AHCTF1: variants seen among roughly 807,000 people sequenced by gnomAD.
The protein encoded by AHCTF1 is protein ELYS.
A neutral mutation model predicts 248.4 loss-of-function variants in AHCTF1; 24 were observed. The observed-to-expected ratio is 0.10, with a 90% CI of 0.07 to 0.14. The LOEUF (loss-of-function observed/expected upper bound fraction) is 0.14. Ranked by LOEUF, AHCTF1 falls within the 10% of genes least tolerant of loss-of-function variation. AHCTF1 has a pLI of 1.00. For synonymous variants in AHCTF1, 786 were observed against 929.8 expected (o/e 0.85, Z 2.81); for missense variants, 2,206 against 2,636.2 (o/e 0.84, Z 3.57).
chr1:246,854,286 G>A (rs574396670), intron 31 of AHCTF1, among the ~76,000 whole-genome samples: 99 of 135,550 alleles, frequency 7.3e-4, no homozygotes, highest in African/African-American at 2.6e-3. Context: ...GTGACAGAGC[G>A]AGACTCTGTT....
At chr1:246,853,375 A>G (rs1660860235) in intron 31 of AHCTF1, 76 bp from the exon 32 acceptor site, 7 of 1,225,846 alleles carry the variant, frequency 5.7e-6, no homozygotes, top group African/African-American at 1.5e-5. Context: ...AACAGAAAGG[A>G]AAAGGCTACA....
chr1:246,847,688 T>C (rs530107612), intron 33 of AHCTF1, among the ~76,000 whole-genome samples: 14 of 152,260 alleles, frequency 9.2e-5, no homozygotes, highest in African/African-American at 3.4e-4. Flanking sequence ...TTTGTAGAGA[T>C]GGGGTTTTTT....
At chr1:246,882,203 T>C (rs1663493701) in intron 21 of AHCTF1, among the ~76,000 whole-genome samples, 1 of 149,268 alleles carries the variant, frequency 6.7e-6, no homozygotes. Flanking sequence ...TTCACCGTGT[T>C]AGCCAGGATG....
chr1:246,906,648 A>AT (rs1312239021), intron 5 of AHCTF1, among the ~76,000 whole-genome samples: 1 of 152,170 alleles, frequency 6.6e-6, no homozygotes, highest in Non-Finnish European at 1.5e-5. Flanking sequence ...TACACTTCCT[A>AT]TAAGATAAAT....
At chr1:246,916,691 AC>A (rs1440690723) in intron 2 of AHCTF1, among the ~76,000 whole-genome samples, 1 of 152,164 alleles carries the variant, frequency 6.6e-6, no homozygotes, top group African/African-American at 2.4e-5. Context: ...AAAAGCCACC[AC>A]CATGGTATGT....
rs1481888031 is a variant in AHCTF1, at chr1:246,853,279, C to T, written c.4375G>A (p.Asp1459Asn). ...DNKSMADVLG[D>N]GGNSSLTISE... Reference sequence around the variant, plus strand: ...ATAGTGAGCGAGGAGTTTCCACCATCACCAAGGACATCAGCCATAGCTGAA... The same window carrying T: ...ATAGTGAGCGAGGAGTTTCCACCATTACCAAGGACATCAGCCATAGCTGAA... Residue 1459 changes from aspartate to asparagine, a missense_variant, in exon 32 of 36, where the codon GAT becomes AAT. By Grantham distance (23) the Asp-to-Asn change is conservative. This residue lies in a region of AHCTF1 where 955 missense variants were observed against 1,055.6 expected (regional missense o/e 0.90). Coordinates refer to ENST00000648844, the MANE Select transcript of AHCTF1 (RefSeq NM_001323342.2). The T allele has an allele frequency of 6.2e-7, 1 of 1,612,744 alleles. No individual in the cohort carries two copies. Among genetic ancestry groups the T allele is most frequent in the Non-Finnish European group, 8.5e-7 (1 of 1,179,386 alleles).
Position 246,850,943 on chromosome 1 carries a change from G to A in AHCTF1, c.5063C>T (p.Thr1688Ile). Reference sequence around the variant, plus strand: ...TGTTTCATGAATGGACTGTTCCATTGTATCTGAAGTAATTTCTTTACTTCT... The same window carrying A: ...TGTTTCATGAATGGACTGTTCCATTATATCTGAAGTAATTTCTTTACTTCT... Reference protein sequence around the residue: ...DTRSKEITSDTMEQSIHETIP... With the variant: ...DTRSKEITSDIMEQSIHETIP... Residue 1688 changes from threonine (T) to isoleucine (I), a missense_variant, in exon 33 of 36, where the codon ACA (threonine) becomes ATA (isoleucine). Physicochemically the swap from Thr to Ile is moderately conservative, Grantham distance 89 (BLOSUM62 -1). This residue lies in a region of AHCTF1 where 955 missense variants were observed against 1,055.6 expected (regional missense o/e 0.90). Coordinates refer to ENST00000648844, the MANE Select transcript of AHCTF1 (RefSeq NM_001323342.2). The A allele has an allele frequency of 1.2e-6, 2 of 1,613,888 alleles. No homozygotes were observed. The highest frequency in any genetic ancestry group is 1.3e-5 in the African/African-American group (1 of 75,022).
chr1:246,849,633 C>T lies in AHCTF1; in HGVS notation c.6373G>A (p.Val2125Ile), dbSNP rs754014894. 3.1e-6 allele frequency: 5 copies of T among 1,608,716 alleles called. No individual in the cohort carries two copies. Among genetic ancestry groups the T allele is most frequent in the Non-Finnish European group, 3.4e-6 (4 of 1,176,490 alleles). ...AAAGTACCTTTTGCTTTCCTTGGAA[C>T]TTCTGACGCTGGAGAAAATAAAGGC... ...NEPLFSPASEVPRKAKAKKIE... is the reference protein window; with the variant it reads ...NEPLFSPASEIPRKAKAKKIE... The change falls in exon 33 of 36, where the codon GTT (valine) becomes ATT (isoleucine). Residue 2125 changes from valine to isoleucine, a missense_variant. Coordinates refer to ENST00000648844, the MANE Select transcript of AHCTF1 (RefSeq NM_001323342.2).
chr1:246,884,742 G>A (rs2103123852), intron 21 of AHCTF1, among the ~76,000 whole-genome samples: 1 of 152,244 alleles, frequency 6.6e-6, no homozygotes, highest in East Asian at 1.9e-4. Flanking sequence ...AGAAACAAAG[G>A]TATCACTTGC....
At chr1:246,929,516 C>T (rs1667178888) in intron 1 of AHCTF1, among the ~76,000 whole-genome samples, 1 of 152,186 alleles carries the variant, frequency 6.6e-6, no homozygotes, top group Non-Finnish European at 1.5e-5. Context: ...GGATGAAGGA[C>T]ATGAGCAAAG....
At position 246,847,306 on chromosome 1, in the gene AHCTF1, C is replaced by CAA. The variant is rs58227848; in HGVS notation, c.6391+2307_6391+2308dup. ...CTCCATCTCAAAAAAAAAAAACAAA[C>CAA]AAAAAAAAAACTGAAAATGCTCATG... On this transcript the variant is annotated intron_variant, in intron 33 of 35. Transcript: ENST00000648844. Among the ~76,000 whole-genome samples, 325 of 146,812 alleles carry CAA rather than the reference C, an allele frequency of 2.2e-3. 3 individuals carry two copies. The highest frequency in any genetic ancestry group is 6.9e-3 in the Middle Eastern group (2 of 288).
intron 1 of AHCTF1, among the ~76,000 whole-genome samples, chr1:246,921,807 CAA>C: frequency 6.6e-6 from 1 of 152,038 alleles, no homozygotes; most frequent in South Asian, 2.1e-4. Context: ...TGTTTTTAGA[CAA>C]AAAAGTTTGC....
intron 1 of AHCTF1, among the ~76,000 whole-genome samples, chr1:246,929,733 G>A (rs996103931): frequency 4.6e-5 from 7 of 152,224 alleles, no homozygotes; most frequent in African/African-American, 1.7e-4. Context: ...AGGCGTGAAA[G>A]ACACAACGTT....
At position 246,913,383 on chromosome 1, in the gene AHCTF1, A is replaced by C. The variant is rs758987725; in HGVS notation, c.405T>G (p.His135Gln). The part of the protein sequence containing the change: ...RVTAIEPIIN[H>Q]GGASASTQHL... The stretch of plus-strand genomic sequence containing the variant: ...GCTGAGTGCTTGCACTGGCTCCTCC[A>C]TGATTAATTATAGGTTCAATAGCTG... The change falls in exon 4 of 36, where the codon CAT becomes CAG. Residue 135 changes from histidine (H) to glutamine (Q), a missense_variant. His to Gln is a conservative substitution (Grantham distance 24, BLOSUM62 0). Around this residue, in one of 6 missense-constraint regions of AHCTF1, gnomAD observed 34 missense variants for 97.2 expected, o/e 0.35. Coordinates refer to ENST00000648844, the MANE Select transcript of AHCTF1 (RefSeq NM_001323342.2). 6.2e-7 allele frequency: 1 copy of C among 1,612,602 alleles called. No individual in the cohort carries two copies. Among genetic ancestry groups the C allele is most frequent in the African/African-American group, 1.3e-5 (1 of 74,910 alleles).
At chr1:246,926,994 G>A (rs1666970572) in intron 1 of AHCTF1, among the ~76,000 whole-genome samples, 1 of 151,780 alleles carries the variant, frequency 6.6e-6, no homozygotes, top group African/African-American at 2.4e-5. Context: ...CTAACAAGGT[G>A]AAATCCCGTC....
intron 6 of AHCTF1, among the ~76,000 whole-genome samples, chr1:246,904,538 T>G (rs1426339406): frequency 6.6e-6 from 1 of 152,094 alleles, no homozygotes; most frequent in Non-Finnish European, 1.5e-5. Flanking sequence ...TTACTTAAAA[T>G]GTAGAGGTTC....
chr1:246,930,984 G>A (rs780642779), intron 1 of AHCTF1: 17 of 1,197,282 alleles, frequency 1.4e-5, no homozygotes, highest in Admixed American at 3.1e-5. Flanking sequence ...AAAAGAAACC[G>A]TCCTGTTTCC....
In AHCTF1 at chr1:246,919,474, G is replaced by T. The variant is rs1017332386; in HGVS notation, c.-7-1097C>A. Among the ~76,000 whole-genome samples, 3 of 152,136 alleles carry T rather than the reference G, an allele frequency of 2.0e-5. 1 individual carries two copies. The highest frequency in any genetic ancestry group is 7.2e-5 in the African/African-American group (3 of 41,404). On this transcript the variant is annotated intron_variant, in intron 1 of 35. Coordinates refer to ENST00000648844, the MANE Select transcript of AHCTF1 (RefSeq NM_001323342.2). ...CACGCCTGTAATCCCAGCACTTTGG[G>T]AGGCTGAGGCAGGCGGATCACAAGG...
intron 14 of AHCTF1, among the ~76,000 whole-genome samples, chr1:246,892,610 T>G (rs1000487246): frequency 5.3e-5 from 8 of 152,068 alleles, no homozygotes; most frequent in Non-Finnish European, 1.2e-4. Context: ...CATGAGCCAC[T>G]GTGCCCGACC....
Sources: gnomAD v4.1 joint callset for allele counts (sites outside exome capture counted in the v4.1 genomes callset) on GRCh38, gnomAD v4.1.1 for gene constraint, gnomAD v4.1.1 regional missense constraint, MANE v1.5 for transcripts, NCBI Gene and HGNC (gene_info 2026-07-23, HGNC 2026-07-21) for gene names.